Variants in SLC24A2 observed in about 807,000 individuals in gnomAD.
SLC24A2 encodes the protein solute carrier family 24 member 2, also known as sodium/potassium/calcium exchanger 2.
A neutral mutation model predicts 62.0 loss-of-function variants in SLC24A2; 36 were observed. That is an observed-to-expected ratio of 0.58 (90% CI 0.44 to 0.77). SLC24A2 has a LOEUF of 0.77. Among genes scored for constraint, SLC24A2 ranks in the 30% least tolerant of loss-of-function variants. The pLI is 0.00. For missense variants in SLC24A2, 846 were observed against 817.9 expected, an observed-to-expected ratio of 1.03 and a Z score of -0.42; for synonymous variants, 358 against 294.0, an observed-to-expected ratio of 1.22 and a Z score of -2.23.
At chr9:20,215,183 G>C in the SLC24A2 span, among the ~76,000 whole-genome samples, 1 of 152,202 alleles carries the variant, frequency 6.6e-6, no homozygotes, top group Admixed American at 6.5e-5. Context: ...CATGGTGGAA[G>C]GGGATAGCTA....
the SLC24A2 span, among the ~76,000 whole-genome samples, chr9:20,296,127 A>C: frequency 2.0e-5 from 3 of 152,262 alleles, no homozygotes; most frequent in African/African-American, 7.2e-5. Flanking sequence ...AAAAGCAGAA[A>C]ATCACCTAAT....
chr9:19,828,813 T>C, the SLC24A2 span, among the ~76,000 whole-genome samples: 1 of 152,170 alleles, frequency 6.6e-6, no homozygotes, highest in African/African-American at 2.4e-5. Context: ...TCAGCTGCTT[T>C]GCTGAAGTTG....
rs1832782189 is a variant in SLC24A2, at chr9:19,513,155, TATATATATATATATATATATGTATATA to T, written c.*2971_*2997del. 1 of 55,846 alleles carries T rather than the reference TATATATATATATATATATATGTATATA, an allele frequency of 1.8e-5. No homozygotes were observed. The highest frequency in any genetic ancestry group is 4.1e-5 in the Non-Finnish European group (1 of 24,642). 3.5% of individuals were successfully genotyped at this position (55,846 alleles called of 1,614,324 possible). A position where few individuals can be genotyped will look rare whatever the true frequency, so the allele number is the denominator to read the frequency against. ...TGTACATATAGATCTGGTATAAAGATATATATATATATATATATATGTATATATATATATATGTATATATTTATATAT... is the reference window on the plus strand; with the variant it reads ...TGTACATATAGATCTGGTATAAAGATTATATATATGTATATATTTATATAT... On this transcript the variant is annotated 3_prime_UTR_variant, in exon 11 of 11. Coordinates refer to ENST00000341998, the MANE Select transcript of SLC24A2 (RefSeq NM_020344.4).
chr9:20,289,351 A>G, the SLC24A2 span, among the ~76,000 whole-genome samples: 32,301 of 152,128 alleles, frequency 0.21, 4,557 homozygotes, highest in African/African-American at 0.39. Context: ...CACATGCAAG[A>G]AAATTGAGAC....
At chr9:19,582,689 T>G (rs2132866510) in intron 5 of SLC24A2, among the ~76,000 whole-genome samples, 1 of 152,096 alleles carries the variant, frequency 6.6e-6, no homozygotes, top group East Asian at 1.9e-4. Flanking sequence ...ATTCCTTTCC[T>G]TTTTTTTCTG....
intron 2 of SLC24A2, among the ~76,000 whole-genome samples, chr9:19,633,684 T>C (rs1034721471): frequency 6.6e-6 from 1 of 152,244 alleles, no homozygotes; most frequent in Non-Finnish European, 1.5e-5. Flanking sequence ...TGAGTTTCTG[T>C]AATGGCTTAT....
chr9:19,637,159 G>A (rs1304538704), intron 2 of SLC24A2, among the ~76,000 whole-genome samples: 1 of 152,190 alleles, frequency 6.6e-6, no homozygotes, highest in Non-Finnish European at 1.5e-5. Flanking sequence ...CCACTGAAAT[G>A]GGTTCTGGCA....
chr9:19,654,005 C>T (rs773856634), intron 2 of SLC24A2, among the ~76,000 whole-genome samples: 35 of 152,070 alleles, frequency 2.3e-4, no homozygotes, highest in Non-Finnish European at 4.7e-4. Context: ...ATGTCAAGGT[C>T]GTGTAACCAC....
chr9:20,178,758 T>C, the SLC24A2 span, among the ~76,000 whole-genome samples: 1 of 152,166 alleles, frequency 6.6e-6, no homozygotes, highest in Non-Finnish European at 1.5e-5. Context: ...CCTGTGCTTC[T>C]AGGATTCTTT....
At chr9:19,661,673 C>T (rs1482910542) in intron 2 of SLC24A2, among the ~76,000 whole-genome samples, 4 of 152,096 alleles carry the variant, frequency 2.6e-5, no homozygotes, top group Admixed American at 2.6e-4. Context: ...AATAATCAAT[C>T]CTCTGAGTTT....
chr9:19,800,412 G>C, the SLC24A2 span, among the ~76,000 whole-genome samples: 1 of 152,068 alleles, frequency 6.6e-6, no homozygotes, highest in Non-Finnish European at 1.5e-5. Flanking sequence ...CTTATTTTGA[G>C]GGAATATTAT....
At chr9:20,193,051 G>A in the SLC24A2 span, among the ~76,000 whole-genome samples, 3 of 152,068 alleles carry the variant, frequency 2.0e-5, no homozygotes, top group Admixed American at 6.6e-5. Flanking sequence ...TATCATAAGA[G>A]GTCTAAAGTC....
the SLC24A2 span, among the ~76,000 whole-genome samples, chr9:19,922,498 T>C: frequency 1.3e-5 from 2 of 152,230 alleles, no homozygotes; most frequent in Non-Finnish European, 2.9e-5. Flanking sequence ...GGTTTTACCT[T>C]CCATGGGATT....
At chr9:19,518,551 AGC>A (rs1833046851) in intron 10 of SLC24A2, among the ~76,000 whole-genome samples, 1 of 151,584 alleles carries the variant, frequency 6.6e-6, no homozygotes, top group Non-Finnish European at 1.5e-5. Context: ...CTTCCCGAGT[AGC>A]TGGGACTGCA....
At chr9:19,584,893 A>G (rs1200199929) in intron 5 of SLC24A2, among the ~76,000 whole-genome samples, 4 of 152,190 alleles carry the variant, frequency 2.6e-5, no homozygotes, top group Non-Finnish European at 5.9e-5. Context: ...AGTAAAAATT[A>G]AATTACTCTG....
At chr9:20,162,783 T>G in the SLC24A2 span, among the ~76,000 whole-genome samples, 1 of 152,194 alleles carries the variant, frequency 6.6e-6, no homozygotes, top group African/African-American at 2.4e-5. Flanking sequence ...TTATACATCA[T>G]GATCAAGTGG....
intron 2 of SLC24A2, among the ~76,000 whole-genome samples, chr9:19,731,245 T>C (rs1349066839): frequency 6.6e-6 from 1 of 152,222 alleles, no homozygotes; most frequent in Non-Finnish European, 1.5e-5. Flanking sequence ...AAACTACTAG[T>C]ATAACTTATC....
the SLC24A2 span, among the ~76,000 whole-genome samples, chr9:20,222,163 G>A: frequency 1.1e-4 from 16 of 151,876 alleles, no homozygotes; most frequent in African/African-American, 3.6e-4. Flanking sequence ...TAAATATTTT[G>A]TTAAACATGT....
the SLC24A2 span, among the ~76,000 whole-genome samples, chr9:19,841,433 C>A: frequency 6.6e-6 from 1 of 152,156 alleles, no homozygotes; most frequent in Non-Finnish European, 1.5e-5. Context: ...TGAAACCCTT[C>A]AGGCAGACAC....
Sources: allele counts gnomAD v4.1 joint callset (sites outside exome capture counted in the v4.1 genomes callset), GRCh38; gene constraint gnomAD v4.1.1; transcripts MANE v1.5; gene names NCBI Gene and HGNC (gene_info 2026-07-23, HGNC 2026-07-21).